Variants in TMPRSS15 observed in about 807,000 individuals in gnomAD.
The protein encoded by TMPRSS15 is enteropeptidase.
In TMPRSS15, 128 loss-of-function variants were observed where a neutral mutation model predicts 125.3. The observed-to-expected ratio is 1.02, with a 90% confidence interval of 0.89 to 1.18. The LOEUF (loss-of-function observed/expected upper bound fraction) is 1.18, where lower values mean the gene tolerates loss of function less well. Among genes scored for constraint, TMPRSS15 ranks in the 50% most tolerant of loss-of-function variants. The probability of loss-of-function intolerance (pLI) is 0.00; values close to 1 mark genes in which losing one functional copy is unlikely to be tolerated. For missense variants in TMPRSS15, 1,283 were observed against 1,212.7 expected, an observed-to-expected ratio of 1.06 and a Z score of -0.86; for synonymous variants, 446 against 423.2, an observed-to-expected ratio of 1.05 and a Z score of -0.66.
intron 1 of TMPRSS15, among the ~76,000 whole-genome samples, chr21:18,458,463 T>A (rs1244738178): frequency 6.6e-6 from 1 of 152,138 alleles, no homozygotes; most frequent in East Asian, 1.9e-4. Context: ...CTCAAATAGA[T>A]GAAATTCAGC....
chr21:18,286,832 C>T (rs368802722), intron 21 of TMPRSS15, among the ~76,000 whole-genome samples: 4 of 152,190 alleles, frequency 2.6e-5, no homozygotes, highest in African/African-American at 7.2e-5. Context: ...TCGTCACTGC[C>T]GCTCTGCCAA....
intron 13 of TMPRSS15, among the ~76,000 whole-genome samples, chr21:18,337,330 T>A (rs12626940): frequency 0.35 from 52,856 of 152,166 alleles, 9,733 homozygotes; most frequent in South Asian, 0.49. Context: ...TTTGTTTTTC[T>A]TTTTAATTAG....
intron 1 of TMPRSS15, among the ~76,000 whole-genome samples, chr21:18,414,664 C>T (rs1009961019): frequency 2.6e-5 from 4 of 152,084 alleles, no homozygotes; most frequent in African/African-American, 9.7e-5. Context: ...GGTTCATCCA[C>T]GTTGTTGCAA....
intron 24 of TMPRSS15, among the ~76,000 whole-genome samples, chr21:18,271,503 G>A (rs1413448252): frequency 2.0e-5 from 3 of 152,114 alleles, no homozygotes; most frequent in Admixed American, 6.5e-5. Context: ...CTACCTGATT[G>A]GGAGACCTCA....
chr21:18,422,123 A>G (rs1458511687), intron 1 of TMPRSS15, among the ~76,000 whole-genome samples: 1 of 151,678 alleles, frequency 6.6e-6, no homozygotes, highest in Non-Finnish European at 1.5e-5. Flanking sequence ...AGCTGGGATT[A>G]CAGGTGTGCA....
chr21:18,390,050 T>G (rs533142047), intron 3 of TMPRSS15, among the ~76,000 whole-genome samples: 1 of 152,212 alleles, frequency 6.6e-6, no homozygotes, highest in African/African-American at 2.4e-5. Context: ...ATGCCAGCTC[T>G]ATTATATCCT....
chr21:18,477,749 G>C (rs1219428991), intron 1 of TMPRSS15: 2 of 152,070 alleles, frequency 1.3e-5, no homozygotes, highest in East Asian at 1.9e-4. Context: ...TTACTGAAGA[G>C]TCTGATTGAA....
chr21:18,298,184 G>T (rs765297038), intron 18 of TMPRSS15, among the ~76,000 whole-genome samples: 21 of 152,182 alleles, frequency 1.4e-4, no homozygotes, highest in Non-Finnish European at 2.4e-4. Flanking sequence ...CATAAAAACC[G>T]CTTTGAATGA....
Position 18,341,513 on chromosome 21 carries a change from A to T in TMPRSS15, c.1464T>A (p.Ser488Arg). 1 of 1,614,090 alleles carries T rather than the reference A, an allele frequency of 6.2e-7. No homozygotes were observed. The highest frequency in any genetic ancestry group is 8.5e-7 in the Non-Finnish European group (1 of 1,179,984). ...GGCTAATGTCATCCAACGCAATATC[A>T]CTCAGGATCTTGTTTTTAAAAGCAT... ...AFNAFKNKIL[S>R]DIALDDISLT... The change falls in exon 13 of 25, where the codon AGT becomes AGA. Residue 488 changes from serine to arginine, a missense_variant. By Grantham distance (110) the Ser-to-Arg change is moderately radical. Transcript: ENST00000284885.
chr21:18,381,809 A>C (rs2075895255), intron 4 of TMPRSS15, among the ~76,000 whole-genome samples: 1 of 152,024 alleles, frequency 6.6e-6, no homozygotes, highest in Non-Finnish European at 1.5e-5. Context: ...GTAAGATGAC[A>C]ACTTTGGGGC....
chr21:18,399,468 T>C (rs1450401225), intron 1 of TMPRSS15, among the ~76,000 whole-genome samples: 1 of 152,132 alleles, frequency 6.6e-6, no homozygotes, highest in Non-Finnish European at 1.5e-5. Flanking sequence ...CAAAATTACA[T>C]TGAAGTTTGC....
chr21:18,440,887 T>C (rs1009340528), intron 1 of TMPRSS15, among the ~76,000 whole-genome samples: 1 of 152,248 alleles, frequency 6.6e-6, no homozygotes, highest in African/African-American at 2.4e-5. Flanking sequence ...CTTTTTCTGC[T>C]TAAAGTATAA....
At chr21:18,387,817 G>A (rs2075958821) in intron 3 of TMPRSS15, among the ~76,000 whole-genome samples, 1 of 152,060 alleles carries the variant, frequency 6.6e-6, no homozygotes, top group Non-Finnish European at 1.5e-5. Flanking sequence ...TAACAAAAAT[G>A]TAAATAGGTA....
intron 1 of TMPRSS15, among the ~76,000 whole-genome samples, chr21:18,446,343 G>A (rs1285745375): frequency 1.3e-5 from 2 of 152,002 alleles, no homozygotes; most frequent in African/African-American, 4.8e-5. Flanking sequence ...TTCATGAATT[G>A]GAATAATTAA....
At chr21:18,461,604 G>A (rs1315810699) in intron 1 of TMPRSS15, among the ~76,000 whole-genome samples, 1 of 152,060 alleles carries the variant, frequency 6.6e-6, no homozygotes, top group Non-Finnish European at 1.5e-5. Context: ...TTCATTCTAA[G>A]AAATACTACA....
chr21:18,319,638 A>G (rs2075213708), intron 16 of TMPRSS15, among the ~76,000 whole-genome samples: 1 of 152,096 alleles, frequency 6.6e-6, no homozygotes, highest in African/African-American at 2.4e-5. Context: ...AATGTTGGTC[A>G]GGCTGGTCTC....
intron 3 of TMPRSS15, among the ~76,000 whole-genome samples, chr21:18,393,549 T>C (rs1338100539): frequency 1.3e-5 from 2 of 152,072 alleles, no homozygotes; most frequent in Non-Finnish European, 2.9e-5. Flanking sequence ...CTCAAAGCAG[T>C]CAAGCAAAGG....
At position 18,281,101 on chromosome 21, in the gene TMPRSS15, A is replaced by G. The variant is rs779556971; in HGVS notation, c.2607T>C (p.Asn869=). The G allele has an allele frequency of 3.1e-6, 5 of 1,613,772 alleles. No homozygotes were observed. The South Asian group carries it at 4.4e-5, about 14-fold the overall frequency. ...IDEIVINPHY[N]RRRKDNDIAM... The stretch of plus-strand genomic sequence containing the variant: ...CAATGTCGTTGTCCTTTCTTCGCCT[A>G]TTGTAATGAGGGTTTATGACAATTT... Residue 869 remains asparagine (N), a synonymous_variant, in exon 22 of 25, where the codon AAT becomes AAC. Coordinates refer to ENST00000284885, the MANE Select transcript of TMPRSS15 (RefSeq NM_002772.3).
chr21:18,351,325 TA>T (rs2075566036), intron 10 of TMPRSS15, among the ~76,000 whole-genome samples: 1 of 152,192 alleles, frequency 6.6e-6, no homozygotes, highest in African/African-American at 2.4e-5. Flanking sequence ...TATTCAAAAA[TA>T]ATTTTGCATG....
Sources: gnomAD v4.1 joint callset for allele counts (sites outside exome capture counted in the v4.1 genomes callset) on GRCh38, gnomAD v4.1.1 for gene constraint, MANE v1.5 for transcripts, NCBI Gene and HGNC (gene_info 2026-07-23, HGNC 2026-07-21) for gene names.